ALPK1: variants seen among roughly 807,000 people sequenced by gnomAD.
ALPK1 encodes the protein alpha kinase 1, also known as alpha-protein kinase 1.
A neutral mutation model predicts 120.6 loss-of-function variants in ALPK1; 110 were observed. That is an observed-to-expected ratio of 0.91 (90% CI 0.78 to 1.07). The LOEUF (loss-of-function observed/expected upper bound fraction) is 1.07, where lower values mean the gene tolerates loss of function less well. Ranked by LOEUF, ALPK1 falls within the 50% of genes least tolerant of loss-of-function variation. ALPK1 has a pLI of 0.00. For synonymous variants in ALPK1, 582 were observed against 560.3 expected (o/e 1.04, Z -0.55); for missense variants, 1,498 against 1,483.9 (o/e 1.01, Z -0.16).
chr4:112,337,398 A>G (rs1729666107), intron 2 of ALPK1, among the ~76,000 whole-genome samples: 1 of 152,212 alleles, frequency 6.6e-6, no homozygotes, highest in African/African-American at 2.4e-5. Context: ...GTGCTATTGG[A>G]ACTTCCAAGT....
chr4:112,376,653 T>G (rs2148725896), intron 2 of ALPK1, among the ~76,000 whole-genome samples: 1 of 152,328 alleles, frequency 6.6e-6, no homozygotes, highest in East Asian at 1.9e-4. Flanking sequence ...ACACAATAAT[T>G]CACTGCTTTA....
chr4:112,300,714 G>C (rs1560626898), intron 1 of ALPK1, among the ~76,000 whole-genome samples: 1 of 150,506 alleles, frequency 6.6e-6, no homozygotes, highest in Non-Finnish European at 1.5e-5. Flanking sequence ...AAAAAAAAAA[G>C]GCAGGGAAGG....
chr4:112,319,271 C>G (rs1350876627), intron 2 of ALPK1, among the ~76,000 whole-genome samples: 1 of 152,150 alleles, frequency 6.6e-6, no homozygotes, highest in Admixed American at 6.5e-5. Flanking sequence ...AGGAAGAATA[C>G]AAGAGAACAT....
intron 2 of ALPK1, among the ~76,000 whole-genome samples, chr4:112,370,011 C>A (rs1731331070): frequency 6.6e-6 from 1 of 152,176 alleles, no homozygotes; most frequent in South Asian, 2.1e-4. Flanking sequence ...ATAGCAGTGG[C>A]AACCAGTAGA....
intron 2 of ALPK1, among the ~76,000 whole-genome samples, chr4:112,352,107 A>G (rs1730386638): frequency 6.6e-6 from 1 of 152,240 alleles, no homozygotes; most frequent in South Asian, 2.1e-4. Context: ...CCCTAAAAGC[A>G]GTAAATGATA....
intron 2 of ALPK1, among the ~76,000 whole-genome samples, chr4:112,338,805 T>C (rs899605136): frequency 2.6e-5 from 4 of 152,182 alleles, no homozygotes; most frequent in African/African-American, 9.7e-5. Context: ...ACTAGCAAAG[T>C]TTTCATTTAA....
At chr4:112,304,369 G>A (rs1409239845) in intron 1 of ALPK1, among the ~76,000 whole-genome samples, 1 of 152,102 alleles carries the variant, frequency 6.6e-6, no homozygotes, top group Non-Finnish European at 1.5e-5. Flanking sequence ...CCCACCAACA[G>A]TGTAAAAGTG....
chr4:112,430,443 C>T lies in ALPK1; in HGVS notation c.901-5C>T. Reference sequence around the variant, plus strand: ...ATCTGATTTGGTATTTGGTATTTTTCCCAGAATATCCGTGGCACGTGTTTA... The same window carrying T: ...ATCTGATTTGGTATTTGGTATTTTTTCCAGAATATCCGTGGCACGTGTTTA... On this transcript the variant is annotated splice_region_variant and splice_polypyrimidine_tract_variant and intron_variant, in intron 10 of 15. Coordinates refer to ENST00000650871, the MANE Select transcript of ALPK1 (RefSeq NM_025144.4). 6.4e-7 allele frequency: 1 copy of T among 1,556,676 alleles called. No individual in the cohort carries two copies.
chr4:112,400,137 T>A (rs1732841446), intron 4 of ALPK1, among the ~76,000 whole-genome samples: 1 of 152,226 alleles, frequency 6.6e-6, no homozygotes, highest in Admixed American at 6.5e-5. Context: ...CTGGGTCAAA[T>A]GATATTTCTG....
At chr4:112,429,039 T>A in intron 9 of ALPK1, 110 bp from the exon 10 acceptor site, 3 of 928,982 alleles carry the variant, frequency 3.2e-6, no homozygotes, top group Middle Eastern at 2.1e-4. Flanking sequence ...CGGGTTGCGG[T>A]GAGGAGTCCC....
intron 2 of ALPK1, among the ~76,000 whole-genome samples, chr4:112,333,672 C>T (rs1346597873): frequency 6.6e-6 from 1 of 152,138 alleles, no homozygotes; most frequent in Non-Finnish European, 1.5e-5. Context: ...GAGCTATATT[C>T]CTTTCTTCTT....
chr4:112,430,852 G>T lies in ALPK1; in HGVS notation c.1305G>T (p.Glu435Asp). ...TAGATGACAGATCTTATGTTCCCGA[G>T]AGTTTCGAGTGCAGGTTGGATAAAC... ...SNVDDRSYVP[E>D]SFECRLDKLI... Residue 435 changes from glutamate to aspartate, a missense_variant, in exon 11 of 16, where the codon GAG (glutamate) becomes GAT (aspartate). Physicochemically the swap from Glu to Asp is conservative, Grantham distance 45. Coordinates refer to ENST00000650871, the MANE Select transcript of ALPK1 (RefSeq NM_025144.4). The T allele has an allele frequency of 6.2e-7, 1 of 1,614,124 alleles. No homozygotes were observed. The highest frequency in any genetic ancestry group is 1.3e-5 in the African/African-American group (1 of 75,048).
intron 7 of ALPK1, 54 bp downstream of exon 7, chr4:112,425,805 C>A: frequency 1.4e-6 from 2 of 1,413,924 alleles, no homozygotes; most frequent in Non-Finnish European, 2.0e-6. Context: ...AGCCTGGCTG[C>A]ATGGTTTCAC....
At chr4:112,393,472 C>A (rs1393500542) in intron 4 of ALPK1, among the ~76,000 whole-genome samples, 2 of 152,190 alleles carry the variant, frequency 1.3e-5, no homozygotes, top group Admixed American at 1.3e-4. Flanking sequence ...ACAAGAAAAT[C>A]TTCTAAATAA....
At chr4:112,408,673 C>T (rs949129714) in intron 4 of ALPK1, among the ~76,000 whole-genome samples, 1 of 152,064 alleles carries the variant, frequency 6.6e-6, no homozygotes, top group Non-Finnish European at 1.5e-5. Context: ...GGGGTTTCAC[C>T]ATGTTGGCCA....
At chr4:112,419,172 C>T in intron 5 of ALPK1, among the ~76,000 whole-genome samples, 1 of 152,082 alleles carries the variant, frequency 6.6e-6, no homozygotes, top group East Asian at 1.9e-4. Flanking sequence ...AAAATTTATT[C>T]GTGTAGGTAT....
At position 112,322,971 on chromosome 4, in the gene ALPK1, G is replaced by A. The variant is rs756605170; in HGVS notation, c.-101+7119G>A. Among the ~76,000 whole-genome samples, 102 of 152,192 alleles carry A rather than the reference G, an allele frequency of 6.7e-4. 1 individual carries two copies. Among genetic ancestry groups the A allele is most frequent in the Middle Eastern group, 3.2e-3 (1 of 316 alleles). On this transcript the variant is annotated intron_variant, in intron 2 of 15. Coordinates refer to ENST00000650871, the MANE Select transcript of ALPK1 (RefSeq NM_025144.4). ...CATGCCTGCCTGAGCACCTAAACTT[G>A]ATTAAAGTCTGTGTCAGTCATCAGC...
At chr4:112,339,347 G>C (rs1729760667) in intron 2 of ALPK1, among the ~76,000 whole-genome samples, 1 of 152,116 alleles carries the variant, frequency 6.6e-6, no homozygotes, top group Non-Finnish European at 1.5e-5. Flanking sequence ...TGATATCATA[G>C]GACAATTTAC....
At chr4:112,360,248 A>G (rs1408471527) in intron 2 of ALPK1, among the ~76,000 whole-genome samples, 1 of 152,180 alleles carries the variant, frequency 6.6e-6, no homozygotes, top group Non-Finnish European at 1.5e-5. Context: ...TGCAGATGAC[A>G]GGATTTCCTT....
Sources: allele counts gnomAD v4.1 joint callset (sites outside exome capture counted in the v4.1 genomes callset), GRCh38; gene constraint gnomAD v4.1.1; transcripts MANE v1.5; gene names NCBI Gene and HGNC (gene_info 2026-07-23, HGNC 2026-07-21).